Variants in KRT75 observed in about 807,000 individuals in gnomAD.
KRT75 encodes the protein keratin 75.
KRT75 carries 35 observed loss-of-function variants against 48.8 expected under a neutral mutation model. The observed-to-expected ratio is 0.72, with a 90% CI of 0.55 to 0.95. The LOEUF is 0.95. Ranked by LOEUF, KRT75 falls within the 40% of genes least tolerant of loss-of-function variation. The pLI is 0.00. For missense variants in KRT75, 776 were observed against 709.9 expected (o/e 1.09, Z -1.06); for synonymous variants, 301 against 282.3 (o/e 1.07, Z -0.66).
In KRT75 at chr12:52,428,666, G is replaced by T. The variant is rs770865287; in HGVS notation, c.1113C>A (p.Asn371Lys). 5 of 1,614,104 alleles carry T rather than the reference G, an allele frequency of 3.1e-6. No individual in the cohort carries two copies. The highest frequency in any genetic ancestry group is 2.5e-6 in the Non-Finnish European group (3 of 1,180,064). The stretch of plus-strand genomic sequence containing the variant: ...CAGCTCTCAGCCTCTGGATCATGCG[G>T]TTCATTTCAGAGATCTCTTGTTTGG... ...RNTKQEISEM[N>K]RMIQRLRAEI... Residue 371 changes from asparagine (N) to lysine (K), a missense_variant, in exon 6 of 9, where the codon AAC becomes AAA. Transcript: ENST00000252245.
rs144725123 is a variant in KRT75, at chr12:52,433,876, C to A, written c.429G>T (p.Gln143His). 1 of 1,614,054 alleles carries A rather than the reference C, an allele frequency of 6.2e-7. No individual in the cohort carries two copies. ...GCTCGCGCTCCTCGGCCCGCACCCG[C>A]TGGATGGTGGGGTCGATTTGCAGGT... ...PLHLQIDPTI[Q>H]RVRAEEREQI... Residue 143 changes from glutamine (Q) to histidine (H), a missense_variant, in exon 1 of 9, where the codon CAG becomes CAT. Transcript: ENST00000252245.
intron 8 of KRT75, among the ~76,000 whole-genome samples, chr12:52,426,069 G>A (rs1940072340): frequency 6.6e-6 from 1 of 152,142 alleles, no homozygotes; most frequent in Non-Finnish European, 1.5e-5. Flanking sequence ...CTAATATAAT[G>A]AATTGCCCTT....
Position 52,428,419 on chromosome 12 carries a change from T to A in KRT75, c.1219A>T (p.Lys407Ter), listed in dbSNP as rs773179612. 1.1e-5 allele frequency: 17 copies of A among 1,614,004 alleles called. No individual in the cohort carries two copies. Among genetic ancestry groups the A allele is most frequent in the Admixed American group, 3.3e-5 (2 of 60,000 alleles). ...TCCACCAGCTTGGCCCGTGCATCCT[T>A]GAGAGCCAGTTCTCCCCGCTGCTCT... ...DAEQRGELAL[K>*]DARAKLVDLE... Residue 407 changes from lysine (K) to a stop codon, truncating the protein, a stop_gained, in exon 7 of 9, where the codon AAG becomes TAG. Transcript: ENST00000252245. LOFTEE classifies it high-confidence loss of function.
At chr12:52,425,361 T>C (rs1940064451) in intron 8 of KRT75, among the ~76,000 whole-genome samples, 1 of 152,270 alleles carries the variant, frequency 6.6e-6, no homozygotes, top group Non-Finnish European at 1.5e-5. Flanking sequence ...GACTCCGTTA[T>C]AGGATGAATT....
At chr12:52,433,652 C>T (rs1940175571) in intron 1 of KRT75, among the ~76,000 whole-genome samples, 155 bp downstream of exon 1, 1 of 152,174 alleles carries the variant, frequency 6.6e-6, no homozygotes, top group African/African-American at 2.4e-5. Context: ...GCAAGCTGGC[C>T]TGACTTGGAA....
At position 52,428,459 on chromosome 12, in the gene KRT75, C is replaced by A; in HGVS notation, c.1179G>T (p.Thr393=). ...CCCGCTGCTCTGCATCAGCAATGGC[C>A]GTTTGCAAGCTGGAACACTGTAAGG... is the stretch of plus-strand genomic sequence containing the variant. ...SVKKQCSSLQ[T]AIADAEQRGE... is the part of the protein sequence containing the mutation. The change falls in exon 7 of 9, where the codon ACG becomes ACT. Residue 393 remains threonine, a synonymous_variant. Coordinates refer to ENST00000252245, the MANE Select transcript of KRT75 (RefSeq NM_004693.3). 1 of 1,613,698 alleles carries A rather than the reference C, an allele frequency of 6.2e-7. No individual in the cohort carries two copies. The highest frequency in any genetic ancestry group is 8.5e-7 in the Non-Finnish European group (1 of 1,179,804).
intron 2 of KRT75, 86 bp downstream of exon 2, chr12:52,432,952 G>A: frequency 7.4e-7 from 1 of 1,348,166 alleles, no homozygotes; most frequent in Non-Finnish European, 1.1e-6. Flanking sequence ...GCTGATATCG[G>A]CATTTGCTCC....
rs530607417 is a variant in KRT75 at position 52,431,716 on chromosome 12, C to A, written c.775-78G>T. 8 of 1,131,116 alleles carry A rather than the reference C, an allele frequency of 7.1e-6. No homozygotes were observed. In the Admixed American group the frequency reaches 1.2e-4, roughly 17 times the overall value. 70.1% of individuals were successfully genotyped at this position (1,131,116 alleles called of 1,614,324 possible). A position where few individuals can be genotyped will look rare whatever the true frequency, so the allele number is the denominator to read the frequency against. Reference sequence around the variant, plus strand: ...TCCAAAAGAAGCTGAGCAGATTTCTCCCCAGCCCATCTAGTTTGGATTTTA... The same window carrying A: ...TCCAAAAGAAGCTGAGCAGATTTCTACCCAGCCCATCTAGTTTGGATTTTA... On this transcript the variant is annotated intron_variant, in intron 3 of 8. Coordinates refer to ENST00000252245, the MANE Select transcript of KRT75 (RefSeq NM_004693.3).
chr12:52,426,231 C>T (rs906420810), intron 8 of KRT75, among the ~76,000 whole-genome samples: 2 of 152,188 alleles, frequency 1.3e-5, no homozygotes, highest in African/African-American at 4.8e-5. Context: ...TTGTTAATAC[C>T]TCTCCTGTTT....
chr12:52,425,370 T>C (rs1439829867), intron 8 of KRT75, among the ~76,000 whole-genome samples: 1 of 152,244 alleles, frequency 6.6e-6, no homozygotes, highest in Non-Finnish European at 1.5e-5. Flanking sequence ...ATAGGATGAA[T>C]TGTGTCCTTC....
rs1940058775 is a variant in KRT75, at chr12:52,424,857, G to A, written c.1418-102C>T. The A allele has an allele frequency of 3.3e-6, 3 of 914,752 alleles. No individual in the cohort carries two copies. The South Asian group carries it at 3.9e-5, about 12-fold the overall frequency. 56.7% of individuals were successfully genotyped at this position (914,752 alleles called of 1,614,324 possible). On this transcript the variant is annotated intron_variant, in intron 8 of 8. Transcript: ENST00000252245. ...GGAGTCCTTGGGTGGGGAGGGGGTGGTCTCGTCAGCCAGCAGTTTGCCTCC... is the reference window on the plus strand; with the variant it reads ...GGAGTCCTTGGGTGGGGAGGGGGTGATCTCGTCAGCCAGCAGTTTGCCTCC...
chr12:52,428,115 T>C (rs1267568791), intron 7 of KRT75, 141 bp downstream of exon 7: 1 of 1,038,902 alleles, frequency 9.6e-7, no homozygotes, highest in East Asian at 2.6e-5. Flanking sequence ...ATTAAAATTA[T>C]TTTTTTGCCA....
At chr12:52,426,135 A>G (rs1417126880) in intron 8 of KRT75, among the ~76,000 whole-genome samples, 2 of 152,214 alleles carry the variant, frequency 1.3e-5, no homozygotes, top group African/African-American at 4.8e-5. Context: ...GTGAGTTGTA[A>G]GAGTCATTTC....
intron 5 of KRT75, among the ~76,000 whole-genome samples, chr12:52,429,893 G>A (rs1333537249): frequency 1.3e-5 from 2 of 152,168 alleles, no homozygotes; most frequent in African/African-American, 2.4e-5. Flanking sequence ...ACTTCTTTGC[G>A]GCTGTCTGAG....
In KRT75 at chr12:52,434,160, T is replaced by C; in HGVS notation, c.145A>G (p.Arg49Gly). ...AAGCTGGCCCCAGCACTGCTGATCC[T>C]TCCCAGGCCCCCACTCCCTGCTGCA... is the stretch of plus-strand genomic sequence containing the variant. ...RSAAGSGGLGRISSAGASFGS... is the reference protein window; with the variant it reads ...RSAAGSGGLGGISSAGASFGS... The change falls in exon 1 of 9, where the codon AGG (arginine) becomes GGG (glycine). Residue 49 changes from arginine to glycine, a missense_variant. Physicochemically the swap from Arg to Gly is moderately radical, Grantham distance 125. Transcript: ENST00000252245. The C allele has an allele frequency of 6.2e-7, 1 of 1,613,480 alleles. No homozygotes were observed.
At chr12:52,430,778 T>A (rs443084) in intron 4 of KRT75, 73 bp from the exon 5 acceptor site, 902,069 of 1,529,038 alleles carry the variant, frequency 0.59, 268,660 homozygotes, top group East Asian at 0.72. Context: ...TAACTACCCA[T>A]CTAGGTCAGG....
At chr12:52,425,900 A>AT (rs1940070679) in intron 8 of KRT75, among the ~76,000 whole-genome samples, 2 of 152,274 alleles carry the variant, frequency 1.3e-5, no homozygotes, top group Admixed American at 1.3e-4. Context: ...AAACTAATAC[A>AT]GACAATTAGG....
Position 52,434,348 on chromosome 12 carries a change from G to A in KRT75, c.-44C>T, listed in dbSNP as rs761027867. ...GCGAGAAGGCACCTGAGGTGGGCTG[G>A]TACAGGCAGTGGAGAAGACAGGTGG... On this transcript the variant is annotated 5_prime_UTR_variant, in exon 1 of 9. Transcript: ENST00000252245. The A allele has an allele frequency of 1.9e-6, 3 of 1,555,300 alleles. No individual in the cohort carries two copies. Among genetic ancestry groups the A allele is most frequent in the East Asian group, 4.5e-5 (2 of 44,500 alleles).
chr12:52,430,481 T>C (rs879203527), intron 5 of KRT75, 60 bp downstream of exon 5: 1 of 1,527,138 alleles, frequency 6.5e-7, no homozygotes, highest in African/African-American at 1.4e-5. Flanking sequence ...AGTTAAGTGA[T>C]AATGTGGAGC....
Sources: allele counts gnomAD v4.1 joint callset (sites outside exome capture counted in the v4.1 genomes callset), GRCh38; gene constraint gnomAD v4.1.1; transcripts MANE v1.5; gene names NCBI Gene and HGNC (gene_info 2026-07-23, HGNC 2026-07-21).